The following CCM2 variants were observed in gnomAD, a reference collection of about 807,000 sequenced individuals.
CCM2 encodes cerebral cavernous malformations 2 protein.
A neutral mutation model predicts 44.9 loss-of-function variants in CCM2; 25 were observed. That is an observed-to-expected ratio of 0.56 (90% CI 0.41 to 0.78). CCM2 has a LOEUF of 0.78. Among genes scored for constraint, CCM2 ranks in the 30% least tolerant of loss-of-function variants. The probability of loss-of-function intolerance (pLI) is 0.00; values close to 1 mark genes in which losing one functional copy is unlikely to be tolerated. For synonymous variants in CCM2, 219 were observed against 241.1 expected, an observed-to-expected ratio of 0.91 and a Z score of 0.85; for missense variants, 481 against 580.6, an observed-to-expected ratio of 0.83 and a Z score of 1.76.
At chr7:45,009,918 T>G (rs2128713526) in intron 1 of CCM2, among the ~76,000 whole-genome samples, 1 of 152,188 alleles carries the variant, frequency 6.6e-6, no homozygotes, top group African/African-American at 2.4e-5. Flanking sequence ...ACACACTTTT[T>G]TTTTTTTTTT....
At position 45,073,581 on chromosome 7, in the gene CCM2, C is replaced by A; in HGVS notation, c.915+10C>A. On this transcript the variant is annotated intron_variant, in intron 8 of 9. Coordinates refer to ENST00000258781, the MANE Select transcript of CCM2 (RefSeq NM_031443.4). ...GGACTACATGCTGACGGTAGGCCTCCGCTGCAGGGACGCTGGGCTGCATGA... is the reference window on the plus strand; with the variant it reads ...GGACTACATGCTGACGGTAGGCCTCAGCTGCAGGGACGCTGGGCTGCATGA... 6.3e-7 allele frequency: 1 copy of A among 1,590,940 alleles called. No homozygotes were observed. Among genetic ancestry groups the A allele is most frequent in the Non-Finnish European group, 8.6e-7 (1 of 1,163,494 alleles).
At chr7:45,033,686 C>T (rs1369027982) in intron 1 of CCM2, among the ~76,000 whole-genome samples, 2 of 152,200 alleles carry the variant, frequency 1.3e-5, no homozygotes, top group Non-Finnish European at 2.9e-5. Context: ...TTCCGAAAAG[C>T]TGGGCTCATG....
At chr7:45,072,632 G>A (rs749454600) in intron 6 of CCM2, 94 bp from the exon 7 acceptor site, 75 of 954,222 alleles carry the variant, frequency 7.9e-5, no homozygotes, top group Middle Eastern at 2.7e-4. Flanking sequence ...CAGGGCTGCC[G>A]CTGTCTCCTG....
chr7:45,060,466 T>A (rs1798468475), intron 2 of CCM2, among the ~76,000 whole-genome samples: 3 of 152,384 alleles, frequency 2.0e-5, no homozygotes, highest in Admixed American at 2.0e-4. Flanking sequence ...CTGACCTTAT[T>A]GGATCTGTGG....
intron 2 of CCM2, among the ~76,000 whole-genome samples, chr7:45,055,199 T>C (rs1798200966): frequency 6.6e-6 from 1 of 152,202 alleles, no homozygotes. Flanking sequence ...TCCTGTACAA[T>C]TCTGTAAACA....
chr7:45,012,713 C>G (rs974256591), intron 1 of CCM2, among the ~76,000 whole-genome samples: 3 of 152,000 alleles, frequency 2.0e-5, no homozygotes, highest in Admixed American at 6.6e-5. Context: ...CGCCACCATG[C>G]CTGGCTAATT....
chr7:45,023,331 C>T lies in CCM2; in HGVS notation c.31-14922C>T, dbSNP rs776682467. 8.5e-5 allele frequency among the ~76,000 whole-genome samples: 13 copies of T among 152,082 alleles called. No individual in the cohort carries two copies. The highest frequency in any genetic ancestry group is 1.6e-4 in the Non-Finnish European group (11 of 68,024). ...TTGGGAGGCTGAGGAGGGTGGATCA[C>T]CTGAGGTCAGGAGTTCGAGACCAGC... is the stretch of plus-strand genomic sequence containing the variant. On this transcript the variant is annotated intron_variant, in intron 1 of 9. Coordinates refer to ENST00000258781, the MANE Select transcript of CCM2 (RefSeq NM_031443.4).
At chr7:45,015,327 T>A (rs541392338) in intron 1 of CCM2, among the ~76,000 whole-genome samples, 15 of 152,244 alleles carry the variant, frequency 9.9e-5, no homozygotes, top group Non-Finnish European at 1.9e-4. Flanking sequence ...TTGCTCAGTC[T>A]CCCCATAGGT....
chr7:45,017,665 T>C (rs753801761), intron 1 of CCM2, among the ~76,000 whole-genome samples: 2 of 149,048 alleles, frequency 1.3e-5, no homozygotes, highest in African/African-American at 5.2e-5. Context: ...TGTAATTTGG[T>C]ATTTTATTGC....
intron 1 of CCM2, among the ~76,000 whole-genome samples, chr7:45,007,533 G>A (rs935889907): frequency 1.8e-4 from 27 of 152,228 alleles, no homozygotes; most frequent in African/African-American, 5.5e-4. Context: ...CCTTGTGTCT[G>A]TGCCAAAAAT....
chr7:45,074,483 C>T (rs1396918787), intron 9 of CCM2, 75 bp downstream of exon 9: 3 of 1,252,212 alleles, frequency 2.4e-6, no homozygotes, highest in Admixed American at 1.9e-5. Flanking sequence ...GGAATGTGCA[C>T]ACGGACCCCT....
chr7:45,034,982 G>A (rs912969896), intron 1 of CCM2, among the ~76,000 whole-genome samples: 5 of 152,152 alleles, frequency 3.3e-5, no homozygotes, highest in Admixed American at 6.5e-5. Flanking sequence ...TACTACATGC[G>A]TGAACCACCA....
chr7:45,010,607 A>ATT (rs913788040), intron 1 of CCM2, among the ~76,000 whole-genome samples: 32 of 151,868 alleles, frequency 2.1e-4, no homozygotes, highest in African/African-American at 6.3e-4. Flanking sequence ...ATATATATAT[A>ATT]TTTTTTTGAG....
At chr7:45,055,928 A>G (rs2128742972) in intron 2 of CCM2, among the ~76,000 whole-genome samples, 1 of 152,384 alleles carries the variant, frequency 6.6e-6, no homozygotes, top group South Asian at 2.1e-4. Flanking sequence ...AAGTGGAATC[A>G]TACAATATTT....
At position 45,075,769 on chromosome 7, in the gene CCM2, G is replaced by A. The variant is rs772753973; in HGVS notation, c.1055-8G>A. The stretch of plus-strand genomic sequence containing the variant: ...GGAGGTGCCATGCTGGGTGTTGTGT[G>A]TCTGCAGGTCTGAGGCCCTTCATCC... On this transcript the variant is annotated splice_polypyrimidine_tract_variant and splice_region_variant and intron_variant, in intron 9 of 9. Transcript: ENST00000258781. 1.9e-6 allele frequency: 3 copies of A among 1,613,524 alleles called. No individual in the cohort carries two copies. Among genetic ancestry groups the A allele is most frequent in the African/African-American group, 2.7e-5 (2 of 74,924 alleles).
At chr7:45,026,741 A>G (rs1796706943) in intron 1 of CCM2, among the ~76,000 whole-genome samples, 1 of 151,506 alleles carries the variant, frequency 6.6e-6, no homozygotes, top group African/African-American at 2.4e-5. Flanking sequence ...TAGCTGGGAT[A>G]ACAGGTGCCC....
At chr7:45,027,576 T>A (rs955866564) in intron 1 of CCM2, 6 of 1,569,696 alleles carry the variant, frequency 3.8e-6, no homozygotes, top group Non-Finnish European at 5.2e-6. Context: ...TTTTAAAAAA[T>A]TGTAAACAGC....
intron 1 of CCM2, among the ~76,000 whole-genome samples, chr7:45,025,443 A>G (rs1423152492): frequency 6.6e-6 from 1 of 151,764 alleles, no homozygotes; most frequent in African/African-American, 2.4e-5. Flanking sequence ...GCTCTCCGCT[A>G]TGTCCTTGTT....
chr7:45,068,233 G>A (rs1373789658), intron 4 of CCM2: 3 of 631,016 alleles, frequency 4.8e-6, no homozygotes, highest in Non-Finnish European at 8.6e-6. Flanking sequence ...CAGCTCTGGT[G>A]CCCTTGGAGC....
Sources: allele counts gnomAD v4.1 joint callset (sites outside exome capture counted in the v4.1 genomes callset), GRCh38; gene constraint gnomAD v4.1.1; transcripts MANE v1.5; gene names NCBI Gene and HGNC (gene_info 2026-07-23, HGNC 2026-07-21).